Variants in FTCDNL1 observed in about 807,000 individuals in gnomAD.
FTCDNL1 encodes the protein formiminotransferase cyclodeaminase N-terminal like.
A neutral mutation model predicts 5.9 loss-of-function variants in FTCDNL1; 11 were observed. The observed-to-expected ratio is 1.87, with a 90% confidence interval of 1.18 to 3.10. FTCDNL1 has a LOEUF of 3.10. Ranked by LOEUF, FTCDNL1 falls within the 30% of genes most tolerant of loss-of-function variation. The pLI, the probability that FTCDNL1 is intolerant of heterozygous loss-of-function variation, is 0.00. For synonymous variants in FTCDNL1, 58 were observed against 24.8 expected, an observed-to-expected ratio of 2.34 and a Z score of -3.99; for missense variants, 115 against 65.5, an observed-to-expected ratio of 1.76 and a Z score of -2.61.
the FTCDNL1 span, among the ~76,000 whole-genome samples, chr2:199,728,286 C>T: frequency 4.0e-5 from 6 of 150,816 alleles, no homozygotes; most frequent in Non-Finnish European, 8.8e-5. Flanking sequence ...CTTGCTCTGT[C>T]GCCCAGACTG....
chr2:199,828,806 T>G (rs746553442), intron 3 of FTCDNL1, among the ~76,000 whole-genome samples: 1 of 152,208 alleles, frequency 6.6e-6, no homozygotes, highest in Admixed American at 6.6e-5. Context: ...CTAAGCACTT[T>G]GTTGATGTTG....
Position 199,819,608 on chromosome 2 carries a change from G to A in FTCDNL1, c.361C>T (p.Leu121=). 1.4e-6 allele frequency: 1 copy of A among 701,712 alleles called. No individual in the cohort carries two copies. The highest frequency in any genetic ancestry group is 2.6e-6 in the Non-Finnish European group (1 of 384,778). The allele number at this position is 701,712 out of a possible 1,614,324, so 43.5% of individuals were successfully genotyped here. ...RRDFSALQPD[L]GAAPSQRCGL... is the part of the protein sequence containing the mutation. Reference sequence around the variant, plus strand: ...CATCTTTGGGAAGGGGCAGCTCCCAGGTCAGGCTGAAGAGCACTGAAATCC... The same window carrying A: ...CATCTTTGGGAAGGGGCAGCTCCCAAGTCAGGCTGAAGAGCACTGAAATCC... Residue 121 remains leucine (L), a synonymous_variant, in exon 4 of 5, where the codon CTG becomes TTG. Coordinates refer to ENST00000420128, the MANE Select transcript of FTCDNL1 (RefSeq NM_001363886.2).
chr2:199,683,708 C>T, the FTCDNL1 span, among the ~76,000 whole-genome samples: 4 of 152,136 alleles, frequency 2.6e-5, no homozygotes, highest in Middle Eastern at 3.4e-3. Flanking sequence ...TTTGCATTTA[C>T]GAACTCATAA....
intron 4 of FTCDNL1, among the ~76,000 whole-genome samples, chr2:199,814,361 G>A (rs769736428): frequency 8.5e-5 from 13 of 152,160 alleles, no homozygotes; most frequent in Non-Finnish European, 1.5e-4. Flanking sequence ...AAGTACTCCC[G>A]TGGGTCCAAA....
At chr2:199,688,873 T>C in the FTCDNL1 span, among the ~76,000 whole-genome samples, 14 of 152,314 alleles carry the variant, frequency 9.2e-5, no homozygotes, top group African/African-American at 3.1e-4. Context: ...CTCTAGGCTT[T>C]CCTACATCCT....
At chr2:199,695,353 T>C in the FTCDNL1 span, among the ~76,000 whole-genome samples, 4 of 152,206 alleles carry the variant, frequency 2.6e-5, no homozygotes, top group African/African-American at 7.2e-5. Context: ...GAAATCACCA[T>C]AATTTAAATA....
the FTCDNL1 span, among the ~76,000 whole-genome samples, chr2:199,689,079 C>T: frequency 6.6e-6 from 1 of 152,144 alleles, no homozygotes; most frequent in Non-Finnish European, 1.5e-5. Flanking sequence ...AAATGTTCAA[C>T]AATTGTTTCT....
the FTCDNL1 span, among the ~76,000 whole-genome samples, chr2:199,738,524 A>T: frequency 1.3e-5 from 2 of 152,154 alleles, no homozygotes; most frequent in African/African-American, 4.8e-5. Flanking sequence ...AATCTAGGGC[A>T]TTGCTTTTTT....
At chr2:199,763,131 C>A (rs948677558) in intron 3 of FTCDNL1, among the ~76,000 whole-genome samples, 25 of 152,188 alleles carry the variant, frequency 1.6e-4, no homozygotes, top group African/African-American at 6.0e-4. Context: ...GCTCAGGGCC[C>A]ATCCGGTTCT....
At chr2:199,738,805 A>G in the FTCDNL1 span, among the ~76,000 whole-genome samples, 1 of 152,216 alleles carries the variant, frequency 6.6e-6, no homozygotes, top group African/African-American at 2.4e-5. Flanking sequence ...TGAAGACTGT[A>G]AGGGCTAAAT....
chr2:199,789,592 C>T (rs1347953408), intron 3 of FTCDNL1, among the ~76,000 whole-genome samples: 1 of 152,082 alleles, frequency 6.6e-6, no homozygotes, highest in Non-Finnish European at 1.5e-5. Flanking sequence ...ATCTTCATTA[C>T]TATTTAATAT....
downstream of FTCDNL1, among the ~76,000 whole-genome samples, chr2:199,757,025 T>C (rs1698096270): frequency 6.6e-6 from 1 of 152,190 alleles, no homozygotes; most frequent in Non-Finnish European, 1.5e-5. Context: ...ATGAATAATC[T>C]AACCTCCCAC....
the FTCDNL1 span, among the ~76,000 whole-genome samples, chr2:199,669,418 C>T: frequency 6.6e-6 from 1 of 152,318 alleles, no homozygotes; most frequent in South Asian, 2.1e-4. Flanking sequence ...ATTCCCTTCT[C>T]TTCTAGGACC....
downstream of FTCDNL1, among the ~76,000 whole-genome samples, chr2:199,809,081 C>T (rs1466073614): frequency 6.6e-6 from 1 of 152,162 alleles, no homozygotes; most frequent in Admixed American, 6.5e-5. Context: ...GTCTAAAAAC[C>T]ATACCTAGTC....
At chr2:199,806,905 T>C (rs915527921), downstream of FTCDNL1, among the ~76,000 whole-genome samples, 21 of 152,324 alleles carry the variant, frequency 1.4e-4, no homozygotes, top group African/African-American at 5.1e-4. Flanking sequence ...GTCTATTTGT[T>C]CACATCAATT....
the FTCDNL1 span, among the ~76,000 whole-genome samples, chr2:199,742,976 C>T: frequency 1.3e-5 from 2 of 152,186 alleles, no homozygotes; most frequent in Admixed American, 1.3e-4. Flanking sequence ...ATAAAGAAGA[C>T]TGGAAATGTT....
intron 2 of FTCDNL1, 91 bp from the exon 3 acceptor site, chr2:199,846,261 T>G (rs1233759849): frequency 1.7e-6 from 1 of 586,152 alleles, no homozygotes; most frequent in African/African-American, 1.9e-5. Flanking sequence ...AAATTTAGCT[T>G]AGTGGAAAAA....
At chr2:199,731,472 T>TA in the FTCDNL1 span, among the ~76,000 whole-genome samples, 3 of 152,206 alleles carry the variant, frequency 2.0e-5, no homozygotes, top group Non-Finnish European at 2.9e-5. Flanking sequence ...ACAATGTAAT[T>TA]AGACAGATGA....
At chr2:199,787,558 C>T (rs1699723560) in intron 3 of FTCDNL1, among the ~76,000 whole-genome samples, 2 of 152,144 alleles carry the variant, frequency 1.3e-5, no homozygotes, top group African/African-American at 4.8e-5. Context: ...TTGAGACTTT[C>T]TGGGGAGGGA....
Sources: allele counts gnomAD v4.1 joint callset (sites outside exome capture counted in the v4.1 genomes callset), GRCh38; gene constraint gnomAD v4.1.1; transcripts MANE v1.5; gene names NCBI Gene and HGNC (gene_info 2026-07-23, HGNC 2026-07-21).